MAP3K15: variants seen among roughly 807,000 people sequenced by gnomAD.
MAP3K15 encodes mitogen-activated protein kinase kinase kinase 15, also known as MAPK/ERK kinase kinase 15.
A neutral mutation model predicts 99.5 loss-of-function variants in MAP3K15; 124 were observed. The observed-to-expected ratio is 1.25, with a 90% confidence interval of 1.08 to 1.45. The LOEUF is 1.45. Among genes scored for constraint, MAP3K15 ranks in the 40% most tolerant of loss-of-function variants. The pLI is 0.00. For synonymous variants in MAP3K15, 494 were observed against 439.6 expected, an observed-to-expected ratio of 1.12 and a Z score of -1.55; for missense variants, 1,242 against 1,079.7, an observed-to-expected ratio of 1.15 and a Z score of -2.11.
At position 19,475,562 on chromosome X, in the gene MAP3K15, G is replaced by A. The variant is rs772430740; in HGVS notation, c.525+10920C>T. ...CTTCACGTAGAACATCCTAACTGCA[G>A]GCCTAAAATGTCGGACTTCCTTCAG... On this transcript the variant is annotated intron_variant, in intron 3 of 28. Coordinates refer to ENST00000338883, the MANE Select transcript of MAP3K15 (RefSeq NM_001001671.4). Among the ~76,000 whole-genome samples the A allele has an allele frequency of 1.6e-4, 18 of 111,159 alleles. No individual in the cohort carries two copies. In the Middle Eastern group the frequency reaches 0.014, roughly 85 times the overall value.
At chrX:19,454,653 A>G (rs1327993178) in intron 6 of MAP3K15, among the ~76,000 whole-genome samples, 1 of 111,849 alleles carries the variant, frequency 8.9e-6, no homozygotes, top group African/African-American at 3.3e-5. Flanking sequence ...CCTGAGAGCT[A>G]AAGGTCAACC....
chrX:19,368,654 G>A (rs1246946020), intron 25 of MAP3K15, among the ~76,000 whole-genome samples: 1 of 111,369 alleles, frequency 9.0e-6, no homozygotes, highest in African/African-American at 3.3e-5. Flanking sequence ...CTGATGAAGT[G>A]CTAACCAACC....
Position 19,373,549 on chromosome X carries a change from C to T in MAP3K15, c.2920G>A (p.Gly974Ser), listed in dbSNP as rs765404426. 1 of 1,168,956 alleles carries T rather than the reference C, an allele frequency of 8.6e-7. No homozygotes were observed. Among genetic ancestry groups the T allele is most frequent in the Non-Finnish European group, 1.1e-6 (1 of 874,242 alleles). The change falls in exon 21 of 29, where the codon GGC (glycine) becomes AGC (serine). Residue 974 changes from glycine to serine, a missense_variant. Transcript: ENST00000338883. ...ERTRAPRHHL[G>S]HLLSVPDESS... Reference sequence around the variant, plus strand: ...ATACGGGTGTACCTGAGGAGGTGGCCAAGGTGGTGCCTGGGCGCCCGGGTC... The same window carrying T: ...ATACGGGTGTACCTGAGGAGGTGGCTAAGGTGGTGCCTGGGCGCCCGGGTC...
At chrX:19,463,041 T>C (rs2064142740) in intron 4 of MAP3K15, among the ~76,000 whole-genome samples, 1 of 112,252 alleles carries the variant, frequency 8.9e-6, no homozygotes, top group African/African-American at 3.2e-5. Flanking sequence ...TACCTCCTTG[T>C]CAGACTTGAA....
intron 1 of MAP3K15, among the ~76,000 whole-genome samples, chrX:19,504,174 A>G (rs1371941202): frequency 4.5e-5 from 5 of 110,608 alleles, no homozygotes; most frequent in African/African-American, 6.6e-5. Flanking sequence ...GTATTTAGGT[A>G]TTTTTAGCAG....
At chrX:19,441,914 G>C (rs2063962699) in intron 6 of MAP3K15, among the ~76,000 whole-genome samples, 1 of 111,954 alleles carries the variant, frequency 8.9e-6, no homozygotes, top group South Asian at 3.8e-4. Flanking sequence ...CAAGATGTAA[G>C]GAGACTGAGT....
chrX:19,409,238 T>A lies in MAP3K15; in HGVS notation c.1748+686A>T, dbSNP rs1602280973. Among the ~76,000 whole-genome samples the A allele has an allele frequency of 3.6e-5, 4 of 111,752 alleles. No homozygotes were observed. In the Admixed American group the frequency reaches 3.8e-4, roughly 11 times the overall value. On this transcript the variant is annotated intron_variant, in intron 12 of 28. Coordinates refer to ENST00000338883, the MANE Select transcript of MAP3K15 (RefSeq NM_001001671.4). ...AGAGTCAGAGAAAGGAATGTTCTAG[T>A]ACAAGCCCTTTATTTGAAGAAAATA...
chrX:19,380,557 GCT>G (rs765115814), intron 18 of MAP3K15, among the ~76,000 whole-genome samples: 115 of 110,489 alleles, frequency 1.0e-3, no homozygotes, highest in African/African-American at 3.6e-3. Flanking sequence ...ACAGAGTCTT[GCT>G]CTGTCGCCCA....
At chrX:19,422,945 A>T (rs1404947689) in intron 9 of MAP3K15, among the ~76,000 whole-genome samples, 1 of 105,718 alleles carries the variant, frequency 9.5e-6, no homozygotes, top group East Asian at 3.0e-4. Flanking sequence ...ACCAAACACC[A>T]CATGTTCTCA....
At chrX:19,407,595 A>G in intron 12 of MAP3K15, among the ~76,000 whole-genome samples, 1 of 112,439 alleles carries the variant, frequency 8.9e-6, no homozygotes, top group Admixed American at 9.5e-5. Flanking sequence ...AGGGGCTTAT[A>G]ATCTCATGAA....
At chrX:19,417,889 T>C (rs1417359040) in intron 9 of MAP3K15, among the ~76,000 whole-genome samples, 3 of 111,613 alleles carry the variant, frequency 2.7e-5, no homozygotes, top group Non-Finnish European at 5.6e-5. Flanking sequence ...TTCACCAATA[T>C]CCGCTGTTCT....
At chrX:19,474,465 G>T (rs1311918309) in intron 3 of MAP3K15, among the ~76,000 whole-genome samples, 2 of 89,567 alleles carry the variant, frequency 2.2e-5, no homozygotes, top group Non-Finnish European at 4.2e-5. Context: ...ATTTTTTTTT[G>T]CACAAATATT....
intron 9 of MAP3K15, among the ~76,000 whole-genome samples, chrX:19,417,561 G>A (rs961706098): frequency 1.8e-5 from 2 of 111,798 alleles, no homozygotes; most frequent in Non-Finnish European, 3.8e-5. Flanking sequence ...GAACTGGGTG[G>A]AGCCCACCTC....
chrX:19,446,032 G>C (rs948298541), intron 6 of MAP3K15, among the ~76,000 whole-genome samples: 1 of 111,938 alleles, frequency 8.9e-6, no homozygotes, highest in Non-Finnish European at 1.9e-5. Context: ...GACTAGCTGA[G>C]GTAGTGGGCA....
At chrX:19,422,411 C>T (rs2063794964) in intron 9 of MAP3K15, among the ~76,000 whole-genome samples, 1 of 111,753 alleles carries the variant, frequency 8.9e-6, no homozygotes, top group Admixed American at 9.5e-5. Flanking sequence ...ATTTATGCAG[C>T]CAAAAGACAC....
At chrX:19,508,822 T>C (rs1214766661) in intron 1 of MAP3K15, among the ~76,000 whole-genome samples, 1 of 111,616 alleles carries the variant, frequency 9.0e-6, no homozygotes, top group Non-Finnish European at 1.9e-5. Context: ...AGGTTGAGGC[T>C]GCAGTGTGCC....
At chrX:19,401,733 T>A (rs1250989266) in intron 13 of MAP3K15, among the ~76,000 whole-genome samples, 1 of 82,604 alleles carries the variant, frequency 1.2e-5, no homozygotes, top group Non-Finnish European at 2.0e-5. Flanking sequence ...CTGGGCCACG[T>A]GGGCCACTTC....
chrX:19,473,981 C>T (rs2064223847), intron 3 of MAP3K15, among the ~76,000 whole-genome samples: 1 of 112,166 alleles, frequency 8.9e-6, no homozygotes, highest in Non-Finnish European at 1.9e-5. Context: ...AATTTCCTTA[C>T]TGTAAGTGTC....
chrX:19,431,522 A>G lies in MAP3K15; in HGVS notation c.1082T>C (p.Phe361Ser). The G allele has an allele frequency of 8.3e-7, 1 of 1,200,113 alleles. No individual in the cohort carries two copies. Among genetic ancestry groups the G allele is most frequent in the Non-Finnish European group, 1.1e-6 (1 of 894,883 alleles). Reference sequence around the variant, plus strand: ...CTTGTAGATCCTCCCACACAGGCAGAACATGTCGGGGCCCGGGTGATCACA... The same window carrying G: ...CTTGTAGATCCTCCCACACAGGCAGGACATGTCGGGGCCCGGGTGATCACA... ...QSCDHPGPDM[F>S]CLCGRIYKDI... Residue 361 changes from phenylalanine to serine, a missense_variant, in exon 7 of 29, where the codon TTC (phenylalanine) becomes TCC (serine). Transcript: ENST00000338883.
Sources: allele counts gnomAD v4.1 joint callset (sites outside exome capture counted in the v4.1 genomes callset), GRCh38; gene constraint gnomAD v4.1.1; transcripts MANE v1.5; gene names NCBI Gene and HGNC (gene_info 2026-07-23, HGNC 2026-07-21).